The following QRICH2 variants were observed in gnomAD, a reference collection of about 807,000 sequenced individuals.
QRICH2 encodes glutamine-rich protein 2.
Under a neutral mutation model 168.3 loss-of-function variants are expected in QRICH2, and 119 were observed. The observed-to-expected ratio is 0.71, with a 90% confidence interval of 0.61 to 0.82. The LOEUF is 0.82. QRICH2 is among the 40% of genes least tolerant of loss of function. The pLI is 0.00. For synonymous variants in QRICH2, 894 were observed against 951.2 expected (o/e 0.94, Z 1.11); for missense variants, 2,241 against 2,491.6 (o/e 0.90, Z 2.14).
chr17:76,276,030 G>T, intron 17 of QRICH2, 83 bp from the exon 18 acceptor site: 2 of 1,520,702 alleles, frequency 1.3e-6, no homozygotes, highest in Non-Finnish European at 1.8e-6. Context: ...GGAGAGGGCC[G>T]CAGGGCTGCT....
Position 76,281,560 on chromosome 17 carries a change from G to C in QRICH2, c.4263+304C>G, listed in dbSNP as rs1452820815. Among the ~76,000 whole-genome samples the C allele has an allele frequency of 2.0e-5, 3 of 152,154 alleles. No individual in the cohort carries two copies. Among genetic ancestry groups the C allele is most frequent in the Non-Finnish European group, 4.4e-5 (3 of 68,022 alleles). On this transcript the variant is annotated intron_variant, in intron 8 of 18. Transcript: ENST00000680821. The surrounding 1 kb of genome is among the most constrained non-coding windows in gnomAD (Gnocchi z 4.4). ...CAGGGAGTCAACATCTCCTACAGTT[G>C]GGCCTGTGTCTCCAGGGCACGCGAA...
chr17:76,297,710 G>A (rs2070819433), intron 3 of QRICH2, among the ~76,000 whole-genome samples: 1 of 151,802 alleles, frequency 6.6e-6, no homozygotes. Context: ...AGTTATTATG[G>A]CTACACACAC....
chr17:76,291,910 A>C lies in QRICH2; in HGVS notation c.2817T>G (p.Leu939=), dbSNP rs773498289. The change falls in exon 4 of 19, where the codon CTT becomes CTG. Residue 939 remains leucine (L), a synonymous_variant. Transcript: ENST00000680821. ...AATATGCACCAGGTTGTACCAAACCAAGAGGATAGGCACCAGGTTGTACCA... is the reference window on the plus strand; with the variant it reads ...AATATGCACCAGGTTGTACCAAACCCAGAGGATAGGCACCAGGTTGTACCA... The part of the protein sequence containing the change: ...HGLVQPGAYP[L]GLVQPGAYLH... 1.3e-5 allele frequency: 21 copies of C among 1,614,212 alleles called. No homozygotes were observed. Among genetic ancestry groups the C allele is most frequent in the Middle Eastern group, 1.6e-4 (1 of 6,062 alleles).
chr17:76,293,126 C>T lies in QRICH2; in HGVS notation c.1601G>A (p.Gly534Asp). The change falls in exon 4 of 19, where the codon GGT (glycine) becomes GAT (aspartate). Residue 534 changes from glycine (G) to aspartate (D), a missense_variant. Physicochemically the swap from Gly to Asp is moderately conservative, Grantham distance 94 (BLOSUM62 -1). Transcript: ENST00000680821. ...GLVLPFTDQH[G>D]LVSPGLMPIS... ...TGGCATCAAACCAGGTGATACCAAA[C>T]CATGCTGGTCTGTAAAAGGTAGAAC... 1.9e-6 allele frequency: 3 copies of T among 1,614,238 alleles called. No homozygotes were observed. In the South Asian group the frequency reaches 3.3e-5, roughly 18 times the overall value.
rs567600176 is a variant in QRICH2 at position 76,307,077 on chromosome 17, C to T, written c.534+388G>A. On this transcript the variant is annotated intron_variant, in intron 1 of 18. Transcript: ENST00000680821. The surrounding 1 kb of genome is among the most constrained non-coding windows in gnomAD (Gnocchi z 5.3). Reference sequence around the variant, plus strand: ...CTCTAAGAATCTTCTGAGAAGTTGCCGGCCCCACTCTGAGCCAGCTCTGGG... The same window carrying T: ...CTCTAAGAATCTTCTGAGAAGTTGCTGGCCCCACTCTGAGCCAGCTCTGGG... Among the ~76,000 whole-genome samples, 2 of 152,022 alleles carry T rather than the reference C, an allele frequency of 1.3e-5. No individual in the cohort carries two copies. Among genetic ancestry groups the T allele is most frequent in the African/African-American group, 4.8e-5 (2 of 41,434 alleles).
In QRICH2 at chr17:76,282,946, A is replaced by T. The variant is rs562729083; in HGVS notation, c.4012-831T>A. On this transcript the variant is annotated intron_variant, in intron 7 of 18. Coordinates refer to ENST00000680821, the MANE Select transcript of QRICH2 (RefSeq NM_001388453.1). ...GGATTGAGAGTGGAATGGGAGAGTGACGTGGGGGCTGAGAGGATGGGTAAG... is the reference window on the plus strand; with the variant it reads ...GGATTGAGAGTGGAATGGGAGAGTGTCGTGGGGGCTGAGAGGATGGGTAAG... 8.2e-4 allele frequency among the ~76,000 whole-genome samples: 125 copies of T among 152,262 alleles called. 2 individuals are homozygous for T. In the South Asian group the frequency reaches 0.022, roughly 27 times the overall value.
Position 76,307,717 on chromosome 17 carries a change from C to T in QRICH2, c.282G>A (p.Ala94=), listed in dbSNP as rs1598509433. The stretch of plus-strand genomic sequence containing the variant: ...CTTGGCTCTCCAGCGCTGACGAAGG[C>T]GCCTGGCCCACGCCCCTGCGCTTCT... ...PREKRRGVGQ[A]PSSALESQVK... The change falls in exon 1 of 19, where the codon GCG becomes GCA. Residue 94 remains alanine, a synonymous_variant. Coordinates refer to ENST00000680821, the MANE Select transcript of QRICH2 (RefSeq NM_001388453.1). This position sits in a 1 kb window ranked among gnomAD's most constrained non-coding sequence, Gnocchi z 5.3. The T allele has an allele frequency of 7.0e-7, 1 of 1,425,182 alleles. No homozygotes were observed. The highest frequency in any genetic ancestry group is 9.1e-7 in the Non-Finnish European group (1 of 1,092,940). The allele number at this position is 1,425,182 out of a possible 1,614,324, so 88.3% of individuals were successfully genotyped here.
chr17:76,294,022 C>T lies in QRICH2; in HGVS notation c.706-1G>A. 1 of 1,590,380 alleles carries T rather than the reference C, an allele frequency of 6.3e-7. No individual in the cohort carries two copies. Among genetic ancestry groups the T allele is most frequent in the Non-Finnish European group, 8.6e-7 (1 of 1,166,662 alleles). On this transcript the variant is annotated splice_acceptor_variant, in intron 3 of 18. Transcript: ENST00000680821. LOFTEE classifies it high-confidence loss of function. The stretch of plus-strand genomic sequence containing the variant: ...AAAATCCCATAAGTGTTTCTGAGCC[C>T]TGGTTGGAGAGGAAGAAGGAAATCA...
intron 13 of QRICH2, 36 bp from the exon 14 acceptor site, chr17:76,279,178 G>A (rs1460410387): frequency 1.9e-5 from 30 of 1,542,556 alleles, no homozygotes; most frequent in Non-Finnish European, 2.5e-5. Flanking sequence ...GCGGGTCAGA[G>A]TGGGACAAGT....
In QRICH2 at chr17:76,306,120, C is replaced by A. The variant is rs145553231; in HGVS notation, c.535-1179G>T. On this transcript the variant is annotated intron_variant, in intron 1 of 18. Coordinates refer to ENST00000680821, the MANE Select transcript of QRICH2 (RefSeq NM_001388453.1). ...AGGAGATGGAGTTGCAGTGAGCCGA[C>A]AATGCACCACTGCACTCCAGCCTGG... Among the ~76,000 whole-genome samples the A allele has an allele frequency of 1.1e-4, 13 of 118,330 alleles. No individual in the cohort carries two copies. The East Asian group carries it at 3.8e-3, about 35-fold the overall frequency. The allele number at this position is 118,330 out of a possible 152,430, so 77.6% of individuals were successfully genotyped here. A position where few individuals can be genotyped will look rare whatever the true frequency, so the allele number is the denominator to read the frequency against.
chr17:76,295,913 C>T (rs936993268), intron 3 of QRICH2, among the ~76,000 whole-genome samples: 1 of 152,122 alleles, frequency 6.6e-6, no homozygotes, highest in African/African-American at 2.4e-5. Flanking sequence ...GATTTACCCT[C>T]CTGTCTGTGA....
In QRICH2 at chr17:76,292,942, T is replaced by G. The variant is rs1330077318; in HGVS notation, c.1785A>C (p.Ala595=). 1.9e-6 allele frequency: 3 copies of G among 1,613,658 alleles called. No individual in the cohort carries two copies. The highest frequency in any genetic ancestry group is 1.7e-5 in the Admixed American group (1 of 59,940). The change falls in exon 4 of 19, where the codon GCA becomes GCC. Residue 595 remains alanine, a synonymous_variant. Coordinates refer to ENST00000680821, the MANE Select transcript of QRICH2 (RefSeq NM_001388453.1). ...AYQPGLVQPG[A]DQRGLVRPGM... is the part of the protein sequence containing the mutation. ...CAGGCCGGACCAAACCACGCTGATC[T>G]GCACCAGGTTGGACCAAGCCAGGCT...
At chr17:76,279,512 G>GA in intron 12 of QRICH2, 84 bp from the exon 13 acceptor site, 2 of 1,068,224 alleles carry the variant, frequency 1.9e-6, no homozygotes, top group Non-Finnish European at 2.8e-6. Context: ...GCCCCTGGAA[G>GA]CTCAGCCCAC....
Position 76,307,794 on chromosome 17 carries a change from T to C in QRICH2, c.205A>G (p.Ser69Gly), listed in dbSNP as rs2143422773. Residue 69 changes from serine to glycine, a missense_variant, in exon 1 of 19, where the codon AGC becomes GGC. By Grantham distance (56) the Ser-to-Gly change is moderately conservative (BLOSUM62 0). Transcript: ENST00000680821. The surrounding 1 kb of genome is among the most constrained non-coding windows in gnomAD (Gnocchi z 5.3). Reference sequence around the variant, plus strand: ...TTGGGCGCGGGCAGGTGCGGGATGCTGAACGAGCTCCGGACGGACTGCAGC... The same window carrying C: ...TTGGGCGCGGGCAGGTGCGGGATGCCGAACGAGCTCCGGACGGACTGCAGC... Reference protein sequence around the residue: ...RSLQSVRSSFSIPHLPAPKEV... With the variant: ...RSLQSVRSSFGIPHLPAPKEV... 1.7e-5 allele frequency: 23 copies of C among 1,367,796 alleles called. No individual in the cohort carries two copies. Among genetic ancestry groups the C allele is most frequent in the Non-Finnish European group, 2.2e-5 (23 of 1,064,378 alleles). The allele number at this position is 1,367,796 out of a possible 1,614,324, so 84.7% of individuals were successfully genotyped here. A position where few individuals can be genotyped will look rare whatever the true frequency, so the allele number is the denominator to read the frequency against.
intron 18 of QRICH2, 83 bp downstream of exon 18, chr17:76,275,736 T>G: frequency 6.6e-7 from 1 of 1,516,946 alleles, no homozygotes; most frequent in Non-Finnish European, 8.8e-7. Context: ...TCCGGGGAGA[T>G]AAAGGCCCTA....
chr17:76,306,485 T>C (rs980302329), intron 1 of QRICH2, among the ~76,000 whole-genome samples: 11 of 152,318 alleles, frequency 7.2e-5, no homozygotes, highest in Admixed American at 4.6e-4. Context: ...CTCTGAGACA[T>C]GCACGTGTCT....
Position 76,280,253 on chromosome 17 carries a change from TG to T in QRICH2, c.4626+33del, listed in dbSNP as rs756085417. Reference sequence around the variant, plus strand: ...TGTCCCGATCCTGGGGGCAAGGCTGTGGGATGGAGAGCCCCGCCATGCCCCT... The same window carrying T: ...TGTCCCGATCCTGGGGGCAAGGCTGTGGATGGAGAGCCCCGCCATGCCCCT... On this transcript the variant is annotated intron_variant, in intron 11 of 18. Transcript: ENST00000680821. The surrounding 1 kb of genome is among the most constrained non-coding windows in gnomAD (Gnocchi z 7.4). The T allele has an allele frequency of 6.2e-6, 10 of 1,611,800 alleles. No individual in the cohort carries two copies. The highest frequency in any genetic ancestry group is 8.5e-6 in the Non-Finnish European group (10 of 1,178,786).
chr17:76,291,793 C>T lies in QRICH2; in HGVS notation c.2934G>A (p.Gln978=), dbSNP rs1297967035. 6.2e-6 allele frequency: 10 copies of T among 1,614,198 alleles called. No individual in the cohort carries two copies. Among genetic ancestry groups the T allele is most frequent in the Non-Finnish European group, 7.6e-6 (9 of 1,180,018 alleles). Residue 978 remains glutamine, a synonymous_variant, in exon 4 of 19, where the codon CAG becomes CAA. Coordinates refer to ENST00000680821, the MANE Select transcript of QRICH2 (RefSeq NM_001388453.1). The part of the protein sequence containing the change: ...QYGLRQPGAY[Q]PGLIAPGTKL... Reference sequence around the variant, plus strand: ...TTGTGCCTGGTGCTATCAAGCCTGGCTGATATGCACCAGGTTGTCTCAAAC... The same window carrying T: ...TTGTGCCTGGTGCTATCAAGCCTGGTTGATATGCACCAGGTTGTCTCAAAC...
intron 4 of QRICH2, 67 bp from the exon 5 acceptor site, chr17:76,290,144 C>T: frequency 8.3e-7 from 1 of 1,206,944 alleles, no homozygotes; most frequent in Non-Finnish European, 1.2e-6. Context: ...TCTCCATTTC[C>T]AGCCCCTGTA....
Sources: gnomAD v4.1 joint callset for allele counts (sites outside exome capture counted in the v4.1 genomes callset) on GRCh38, gnomAD v4.1.1 for gene constraint, Gnocchi (gnomAD v3.1) non-coding constraint, MANE v1.5 for transcripts, NCBI Gene and HGNC (gene_info 2026-07-23, HGNC 2026-07-21) for gene names.